The following NAV1 variants were observed in gnomAD, a reference collection of about 807,000 sequenced individuals.
The protein encoded by NAV1 is neuron navigator 1, also known as pore membrane and/or filament interacting like protein 3.
A neutral mutation model predicts 175.2 loss-of-function variants in NAV1; 18 were observed. The ratio of observed to expected loss-of-function variants is 0.10; its 90% CI spans 0.07 to 0.15. The LOEUF is 0.15. NAV1 is among the 10% of genes least tolerant of loss of function. The pLI is 1.00. For synonymous variants in NAV1, 897 were observed against 978.7 expected (o/e 0.92, Z 1.56); for missense variants, 1,731 against 2,436.6 (o/e 0.71, Z 6.10).
chr1:201,684,254 C>A (rs759379783), intron 1 of NAV1, among the ~76,000 whole-genome samples: 3 of 152,124 alleles, frequency 2.0e-5, no homozygotes, highest in Non-Finnish European at 1.5e-5. Flanking sequence ...AATCTGAGAT[C>A]TGAGTGCTGG....
upstream of NAV1, among the ~76,000 whole-genome samples, chr1:201,619,930 G>T (rs1668109905): frequency 6.6e-6 from 1 of 152,182 alleles, no homozygotes; most frequent in Non-Finnish European, 1.5e-5. Flanking sequence ...ATCAAATAAC[G>T]GTATCAAGTC....
intron 3 of NAV1, among the ~76,000 whole-genome samples, chr1:201,722,062 T>A (rs1672409107): frequency 6.6e-6 from 1 of 152,220 alleles, no homozygotes; most frequent in African/African-American, 2.4e-5. Context: ...ACATGTTTTT[T>A]AAAAAGGATT....
intron 1 of NAV1, among the ~76,000 whole-genome samples, chr1:201,658,905 C>A (rs148723679): frequency 6.6e-6 from 1 of 152,186 alleles, no homozygotes; most frequent in Non-Finnish European, 1.5e-5. Context: ...GGTAGGGGCA[C>A]CCCTTATCCT....
chr1:201,644,242 GAAGGGGTA>G (rs1215093398), upstream of NAV1, among the ~76,000 whole-genome samples: 3 of 152,336 alleles, frequency 2.0e-5, no homozygotes, highest in African/African-American at 7.2e-5. Context: ...TCATTCTAGA[GAAGGGGTA>G]AATGGCCGAG....
intron 17 of NAV1, among the ~76,000 whole-genome samples, chr1:201,805,482 G>A (rs1363351037): frequency 6.6e-6 from 1 of 152,196 alleles, no homozygotes; most frequent in East Asian, 1.9e-4. Flanking sequence ...GAGGGAGATG[G>A]AGAAGGCCAG....
chr1:201,645,043 A>G (rs1025883486), upstream of NAV1, among the ~76,000 whole-genome samples: 2 of 152,188 alleles, frequency 1.3e-5, no homozygotes, highest in African/African-American at 4.8e-5. Context: ...TTGAGAGCCC[A>G]TTACTGGGTA....
intron 1 of NAV1, among the ~76,000 whole-genome samples, chr1:201,650,788 A>T (rs1169281544): frequency 6.6e-6 from 1 of 152,146 alleles, no homozygotes. Context: ...TGGGCTTTGC[A>T]GGGGCAATCA....
chr1:201,704,421 C>CGG (rs941980502), intron 1 of NAV1, among the ~76,000 whole-genome samples: 3 of 152,168 alleles, frequency 2.0e-5, no homozygotes, highest in Non-Finnish European at 2.9e-5. Context: ...GAGAGCCTGG[C>CGG]GGGGGCTGGA....
At chr1:201,691,021 TG>T (rs1670909906) in intron 1 of NAV1, among the ~76,000 whole-genome samples, 1 of 152,132 alleles carries the variant, frequency 6.6e-6, no homozygotes. Flanking sequence ...AAGTGAAGCT[TG>T]GGGAGGGGGA....
intron 1 of NAV1, among the ~76,000 whole-genome samples, chr1:201,625,086 C>T (rs1189822715): frequency 6.6e-6 from 1 of 152,182 alleles, no homozygotes. Context: ...CTGTTACATT[C>T]AGTTGTGAAC....
chr1:201,555,557 T>A (rs1236421588), intron 1 of NAV1, among the ~76,000 whole-genome samples: 1 of 151,964 alleles, frequency 6.6e-6, no homozygotes, highest in Non-Finnish European at 1.5e-5. Context: ...TCCTCTAGGT[T>A]CCATCCCTCA....
chr1:201,679,467 C>T (rs913682879), intron 1 of NAV1, among the ~76,000 whole-genome samples: 1 of 152,120 alleles, frequency 6.6e-6, no homozygotes, highest in Non-Finnish European at 1.5e-5. Context: ...CTCCTCCTTC[C>T]TCTCAACATC....
intron 13 of NAV1, 97 bp downstream of exon 17, chr1:201,790,863 C>A: frequency 8.3e-7 from 1 of 1,198,672 alleles, no homozygotes; most frequent in South Asian, 1.3e-5. Context: ...AAGGTATCCC[C>A]TGGACTGAGA....
chr1:201,617,812 C>T (rs1346082467), intron 2 of NAV1, among the ~76,000 whole-genome samples: 1 of 152,192 alleles, frequency 6.6e-6, no homozygotes, highest in African/African-American at 2.4e-5. Flanking sequence ...TTGTAGCTAA[C>T]ATTATGCATC....
At chr1:201,639,794 G>A (rs116784815) in intron 2 of NAV1, among the ~76,000 whole-genome samples, 1,554 of 152,260 alleles carry the variant, frequency 0.01, 24 homozygotes, top group African/African-American at 0.032. Context: ...TCCCAGCTTG[G>A]GGGGCCCCGG....
exon 1 of NAV1, chr1:201,648,296 A>C (rs923840423): frequency 1.5e-5 from 17 of 1,108,392 alleles, no homozygotes; most frequent in Non-Finnish European, 1.9e-5. Flanking sequence ...CCGGACACCA[A>C]AGCAAAAGCA....
intron 1 of NAV1, among the ~76,000 whole-genome samples, chr1:201,577,292 T>A (rs1666717444): frequency 6.6e-6 from 1 of 152,246 alleles, no homozygotes; most frequent in African/African-American, 2.4e-5. Context: ...AACATTTTAA[T>A]TTTGAGGAAG....
upstream of NAV1, among the ~76,000 whole-genome samples, chr1:201,621,171 C>T (rs1219352784): frequency 2.6e-5 from 4 of 152,062 alleles, no homozygotes; most frequent in African/African-American, 9.7e-5. Context: ...CCTCCCCGCT[C>T]GGCCTCCCAA....
chr1:201,594,371 AAAGCTTGT>A (rs751108250), intron 2 of NAV1, among the ~76,000 whole-genome samples: 12 of 152,252 alleles, frequency 7.9e-5, no homozygotes, highest in South Asian at 4.1e-4. Context: ...GCTGGAATGG[AAAGCTTGT>A]GGAGCTCCCA....
Sources: gnomAD v4.1 joint callset for allele counts (sites outside exome capture counted in the v4.1 genomes callset) on GRCh38, gnomAD v4.1.1 for gene constraint, MANE v1.5 for transcripts, NCBI Gene and HGNC (gene_info 2026-07-23, HGNC 2026-07-21) for gene names.